Variants in NMRK1 observed in about 807,000 individuals in gnomAD.
NMRK1 encodes the protein NRK 1.
Under a neutral mutation model 29.9 loss-of-function variants are expected in NMRK1, and 28 were observed. The observed-to-expected ratio is 0.94, with a 90% CI of 0.69 to 1.28. The LOEUF is 1.28. Ranked by LOEUF, NMRK1 falls within the 50% of genes most tolerant of loss-of-function variation. The probability of loss-of-function intolerance (pLI) is 0.00; values close to 1 mark genes in which losing one functional copy is unlikely to be tolerated. For missense variants in NMRK1, 218 were observed against 233.1 expected, an observed-to-expected ratio of 0.94 and a Z score of 0.42; for synonymous variants, 58 against 73.0, an observed-to-expected ratio of 0.79 and a Z score of 1.05.
intron 3 of NMRK1, 56 bp from the exon 4 acceptor site, chr9:75,077,263 T>A: frequency 8.4e-7 from 1 of 1,197,234 alleles, no homozygotes; most frequent in African/African-American, 1.5e-5. Context: ...AATAATACAA[T>A]TATAGACTAA....
At chr9:75,078,530 C>A in intron 2 of NMRK1, 1 of 1,295,278 alleles carries the variant, frequency 7.7e-7, no homozygotes. Context: ...GGGAGGGAGG[C>A]ACTTCTCGAT....
In NMRK1 at chr9:75,077,489, C is replaced by T. The variant is rs1389360058; in HGVS notation, c.120+1G>A. 1 of 1,584,158 alleles carries T rather than the reference C, an allele frequency of 6.3e-7. No homozygotes were observed. The highest frequency in any genetic ancestry group is 1.7e-5 in the Admixed American group (1 of 59,816). ...AATAATTTAAGAAGTTTTATAGATA[C>T]CTTGAAGAAATCATCCTGAGATATG... On this transcript the variant is annotated splice_donor_variant, in intron 3 of 8. Transcript: ENST00000361092. LOFTEE classifies it high-confidence loss of function.
intron 2 of NMRK1, 42 bp from the exon 3 acceptor site, chr9:75,077,622 T>C: frequency 7.4e-7 from 1 of 1,350,992 alleles, no homozygotes; most frequent in Non-Finnish European, 1.0e-6. Flanking sequence ...GGAAAATGCA[T>C]TAAAAATCAT....
Position 75,069,794 on chromosome 9 carries a change from T to C in NMRK1, c.337A>G (p.Asn113Asp). The C allele has an allele frequency of 6.2e-7, 1 of 1,613,098 alleles. No individual in the cohort carries two copies. The highest frequency in any genetic ancestry group is 1.7e-5 in the Admixed American group (1 of 59,836). The change falls in exon 6 of 9, where the codon AAT (asparagine) becomes GAT (aspartate). Residue 113 changes from asparagine (N) to aspartate (D), a missense_variant. Physicochemically the swap from Asn to Asp is conservative, Grantham distance 23 (BLOSUM62 1). Coordinates refer to ENST00000361092, the MANE Select transcript of NMRK1 (RefSeq NM_017881.3). ...FNYKPLDTIWNRSYFLTIPYE... is the reference protein window; with the variant it reads ...FNYKPLDTIWDRSYFLTIPYE... ...GGAATAGTCAGGAAATAGCTTCTAT[T>C]CCATATAGTGTCAAGGGGCCTAAAA...
chr9:75,060,662 C>T lies in NMRK1; in HGVS notation c.*886G>A, dbSNP rs923071706. Reference sequence around the variant, plus strand: ...CATTGAAAGCAGCCTCAAGAGATCACACAATTCAGATCTCCTTCTGTGCTT... The same window carrying T: ...CATTGAAAGCAGCCTCAAGAGATCATACAATTCAGATCTCCTTCTGTGCTT... On this transcript the variant is annotated 3_prime_UTR_variant, in exon 9 of 9. Transcript: ENST00000361092. The T allele has an allele frequency of 2.6e-5, 4 of 152,244 alleles. No homozygotes were observed. The highest frequency in any genetic ancestry group is 5.9e-5 in the Non-Finnish European group (4 of 68,024). The allele number at this position is 152,244 out of a possible 1,614,324, so 9.4% of individuals were successfully genotyped here. A position where few individuals can be genotyped will look rare whatever the true frequency, so the allele number is the denominator to read the frequency against.
At chr9:75,078,979 T>C (rs1824167390) in intron 2 of NMRK1, among the ~76,000 whole-genome samples, 1 of 152,212 alleles carries the variant, frequency 6.6e-6, no homozygotes, top group South Asian at 2.1e-4. Flanking sequence ...ACTATTACTC[T>C]GAGGTCAAGA....
In NMRK1 at chr9:75,068,974, CAGA is replaced by C; in HGVS notation, c.496+19_496+21del. 2.6e-6 allele frequency: 4 copies of C among 1,524,020 alleles called. No individual in the cohort carries two copies. In the South Asian group the frequency reaches 3.4e-5, roughly 13 times the overall value. 94.4% of individuals were successfully genotyped at this position (1,524,020 alleles called of 1,614,324 possible). On this transcript the variant is annotated intron_variant, in intron 7 of 8. Coordinates refer to ENST00000361092, the MANE Select transcript of NMRK1 (RefSeq NM_017881.3). ...CAAATGACAAGTAAAAGGCCTTGAA[CAGA>C]AGGAGAAAAGGCACTTACCAACTTC...
intron 8 of NMRK1, 139 bp downstream of exon 8, chr9:75,066,618 T>A (rs774503458): frequency 2.9e-6 from 2 of 686,826 alleles, no homozygotes; most frequent in Non-Finnish European, 5.3e-6. Context: ...TTTCTGATTC[T>A]GAATTATCCT....
intron 3 of NMRK1, 139 bp downstream of exon 3, chr9:75,077,351 T>G (rs936193548): frequency 1.2e-6 from 1 of 837,790 alleles, no homozygotes; most frequent in African/African-American, 1.7e-5. Context: ...ATCTAGTGGA[T>G]AAGTAACACC....
At chr9:75,070,105 T>C in intron 4 of NMRK1, 63 bp from the exon 5 acceptor site, 1 of 1,339,478 alleles carries the variant, frequency 7.5e-7, no homozygotes, top group Non-Finnish European at 1.0e-6. Context: ...TGTGACTTTT[T>C]GTGATGAGTA....
chr9:75,084,075 T>C (rs1824477268), intron 1 of NMRK1, among the ~76,000 whole-genome samples: 1 of 152,254 alleles, frequency 6.6e-6, no homozygotes. Context: ...GTTTCATACA[T>C]GCCTCCCTAA....
At position 75,069,292 on chromosome 9, in the gene NMRK1, A is replaced by C. The variant is rs1016310264; in HGVS notation, c.390-190T>G. On this transcript the variant is annotated intron_variant, in intron 6 of 8. Transcript: ENST00000361092. Reference sequence around the variant, plus strand: ...ACATGGATTTAGTTCTTTGATATTAAAATTAACTTTGTAATCCACTGACTA... The same window carrying C: ...ACATGGATTTAGTTCTTTGATATTACAATTAACTTTGTAATCCACTGACTA... 5 of 549,760 alleles carry C rather than the reference A, an allele frequency of 9.1e-6. No homozygotes were observed. In the African/African-American group the frequency reaches 9.4e-5, roughly 10 times the overall value. 34.1% of individuals were successfully genotyped at this position (549,760 alleles called of 1,614,324 possible).
intron 7 of NMRK1, chr9:75,067,354 T>TGTGC (rs1554765412): frequency 6.6e-6 from 1 of 151,444 alleles, no homozygotes; most frequent in African/African-American, 2.4e-5. Flanking sequence ...TGTGTGTGTG[T>TGTGC]TTTCTGCTAT....
intron 2 of NMRK1, among the ~76,000 whole-genome samples, chr9:75,081,595 C>T (rs1468315576): frequency 2.0e-5 from 3 of 152,122 alleles, no homozygotes; most frequent in Non-Finnish European, 2.9e-5. Context: ...ATCTTATTTA[C>T]AGAGATGCCA....
At chr9:75,069,563 C>T (rs575990960) in intron 6 of NMRK1, 179 bp downstream of exon 6, 3 of 588,918 alleles carry the variant, frequency 5.1e-6, no homozygotes, top group Admixed American at 3.5e-5. Context: ...AAGTAATTTG[C>T]ATTACTCCAT....
rs140267864 is a variant in NMRK1 at position 75,077,391 on chromosome 9, C to T, written c.120+99G>A. ...CACTGAGCCTAATTTCAATACAAAA[C>T]GTAAATCTCTAGCCAAAGACTTCTT... On this transcript the variant is annotated intron_variant, in intron 3 of 8. Coordinates refer to ENST00000361092, the MANE Select transcript of NMRK1 (RefSeq NM_017881.3). 2.1e-3 allele frequency: 2,087 copies of T among 993,458 alleles called. 2 individuals carry two copies. The highest frequency in any genetic ancestry group is 3.0e-3 in the South Asian group (209 of 70,734). 61.5% of individuals were successfully genotyped at this position (993,458 alleles called of 1,614,324 possible).
intron 2 of NMRK1, chr9:75,078,461 G>A: frequency 1.3e-6 from 2 of 1,502,632 alleles, no homozygotes; most frequent in Non-Finnish European, 1.8e-6. Context: ...AAGTCCAGGA[G>A]AAGGGGCACT....
Position 75,060,769 on chromosome 9 carries a change from C to T in NMRK1, c.*779G>A, listed in dbSNP as rs948863863. 1.3e-5 allele frequency: 2 copies of T among 150,252 alleles called. No individual in the cohort carries two copies. The highest frequency in any genetic ancestry group is 3.0e-5 in the Non-Finnish European group (2 of 67,672). 9.3% of individuals were successfully genotyped at this position (150,252 alleles called of 1,614,324 possible). On this transcript the variant is annotated 3_prime_UTR_variant, in exon 9 of 9. Coordinates refer to ENST00000361092, the MANE Select transcript of NMRK1 (RefSeq NM_017881.3). The stretch of plus-strand genomic sequence containing the variant: ...TTTTAGACCACTGGTTTGACAAAAA[C>T]AAAATGAACCACGAGGGGGGAGAAA...
chr9:75,082,378 ATACC>A (rs1311600428), intron 2 of NMRK1, among the ~76,000 whole-genome samples: 1 of 152,242 alleles, frequency 6.6e-6, no homozygotes, highest in African/African-American at 2.4e-5. Flanking sequence ...TGGTAATGTA[ATACC>A]ATAACACAAT....
Sources: allele counts gnomAD v4.1 joint callset (sites outside exome capture counted in the v4.1 genomes callset), GRCh38; gene constraint gnomAD v4.1.1; transcripts MANE v1.5; gene names NCBI Gene and HGNC (gene_info 2026-07-23, HGNC 2026-07-21).